Variants in MAST2 observed in about 807,000 individuals in gnomAD.
MAST2 encodes the protein microtubule-associated serine/threonine-protein kinase 2.
MAST2 carries 70 observed loss-of-function variants against 147.4 expected under a neutral mutation model. The ratio of observed to expected loss-of-function variants is 0.47; its 90% CI spans 0.39 to 0.58. MAST2 has a LOEUF of 0.58. Among genes scored for constraint, MAST2 ranks in the 20% least tolerant of loss-of-function variants. The probability of loss-of-function intolerance (pLI) is 0.00; values close to 1 mark genes in which losing one functional copy is unlikely to be tolerated. For missense variants in MAST2, 2,080 were observed against 2,302.3 expected (o/e 0.90, Z 1.98); for synonymous variants, 869 against 896.8 (o/e 0.97, Z 0.55).
chr1:45,895,455 A>G (rs1307571895), intron 4 of MAST2, among the ~76,000 whole-genome samples: 2 of 152,224 alleles, frequency 1.3e-5, no homozygotes, highest in Non-Finnish European at 2.9e-5. Flanking sequence ...GTAAAGAAAA[A>G]TTGAAATTAG....
At chr1:45,987,496 G>A (rs1644674674) in intron 5 of MAST2, among the ~76,000 whole-genome samples, 2 of 152,038 alleles carry the variant, frequency 1.3e-5, no homozygotes, top group Non-Finnish European at 2.9e-5. Context: ...ATTCTTTGTA[G>A]AGATGGGGTC....
intron 4 of MAST2, among the ~76,000 whole-genome samples, chr1:45,896,659 CCT>C (rs1648787560): frequency 6.6e-6 from 1 of 152,106 alleles, no homozygotes; most frequent in East Asian, 1.9e-4. Context: ...GAGGCCTGCC[CCT>C]GAGGCCTAAC....
chr1:45,861,566 C>G (rs1236974878), intron 3 of MAST2, among the ~76,000 whole-genome samples: 1 of 151,926 alleles, frequency 6.6e-6, no homozygotes, highest in Non-Finnish European at 1.5e-5. Context: ...CTGCTTTTTC[C>G]TTTTCATCTG....
chr1:45,953,111 G>T (rs376611033), intron 4 of MAST2, among the ~76,000 whole-genome samples: 1 of 151,994 alleles, frequency 6.6e-6, no homozygotes, highest in Admixed American at 6.6e-5. Context: ...TTGAGGTGCT[G>T]GTTAACTTTA....
chr1:46,000,167 A>G (rs1188411201), intron 6 of MAST2, among the ~76,000 whole-genome samples: 2 of 152,136 alleles, frequency 1.3e-5, no homozygotes, highest in African/African-American at 2.4e-5. Flanking sequence ...TACAAAAATT[A>G]GCCGGGCATG....
chr1:45,837,419 T>G (rs999624401), intron 3 of MAST2, among the ~76,000 whole-genome samples: 1 of 152,244 alleles, frequency 6.6e-6, no homozygotes, highest in African/African-American at 2.4e-5. Flanking sequence ...CCTCCTGAGA[T>G]TCATCCATGT....
chr1:45,847,474 A>G, intron 3 of MAST2: 1 of 642,526 alleles, frequency 1.6e-6, no homozygotes, highest in Non-Finnish European at 2.7e-6. Context: ...TTGAAACACA[A>G]GGCCTTTTCA....
intron 4 of MAST2, among the ~76,000 whole-genome samples, chr1:45,912,589 A>G (rs559130423): frequency 1.7e-4 from 26 of 152,220 alleles, no homozygotes; most frequent in Non-Finnish European, 3.1e-4. Context: ...ACATTACCCT[A>G]GAAAAAACAG....
At chr1:46,007,205 G>A (rs1645521796) in intron 8 of MAST2, among the ~76,000 whole-genome samples, 1 of 152,074 alleles carries the variant, frequency 6.6e-6, no homozygotes, top group Non-Finnish European at 1.5e-5. Context: ...TAATTAATTG[G>A]CTAAGATGTG....
chr1:45,931,388 T>TG (rs1655280184), intron 4 of MAST2, among the ~76,000 whole-genome samples: 1 of 148,048 alleles, frequency 6.8e-6, no homozygotes, highest in African/African-American at 2.5e-5. Flanking sequence ...TTTTTTTTTT[T>TG]TTTTTTTTTT....
intron 4 of MAST2, among the ~76,000 whole-genome samples, chr1:45,934,719 G>A (rs1365116718): frequency 2.0e-5 from 3 of 152,156 alleles, no homozygotes; most frequent in Non-Finnish European, 2.9e-5. Context: ...AACTGTGCCC[G>A]GCCAATTTCA....
intron 3 of MAST2, among the ~76,000 whole-genome samples, chr1:45,848,268 C>G (rs1645507435): frequency 1.3e-5 from 2 of 152,186 alleles, no homozygotes; most frequent in Non-Finnish European, 2.9e-5. Context: ...TATCTGGAAA[C>G]TTGAATGGTA....
Position 46,025,822 on chromosome 1 carries a change from C to T in MAST2, c.1919+7C>T. 1 of 1,614,136 alleles carries T rather than the reference C, an allele frequency of 6.2e-7. No homozygotes were observed. The highest frequency in any genetic ancestry group is 8.5e-7 in the Non-Finnish European group (1 of 1,180,018). ...GTGACCTCAAGCCTGACAAGTATGT[C>T]CACAGTCTGTGTCCCTTGTCCAGGG... On this transcript the variant is annotated splice_region_variant and intron_variant, in intron 16 of 28. Transcript: ENST00000361297.
At chr1:45,844,938 C>A (rs1028543634) in intron 3 of MAST2, among the ~76,000 whole-genome samples, 1 of 152,060 alleles carries the variant, frequency 6.6e-6, no homozygotes, top group Admixed American at 6.6e-5. Context: ...TGTTTCCTCA[C>A]GTGGCAGAAG....
intron 12 of MAST2, 103 bp downstream of exon 12, chr1:46,022,185 C>T: frequency 1.4e-6 from 2 of 1,448,062 alleles, no homozygotes; most frequent in Non-Finnish European, 1.9e-6. Context: ...GACATGGACA[C>T]AACATGGCCC....
intron 7 of MAST2, among the ~76,000 whole-genome samples, chr1:46,005,843 C>T (rs12403530): frequency 0.037 from 5,642 of 152,264 alleles, 132 homozygotes; most frequent in Middle Eastern, 0.099. Flanking sequence ...CAAAAGGAAA[C>T]ATTGCTGAGC....
chr1:46,023,782 C>A lies in MAST2; in HGVS notation c.1582C>A (p.Leu528Met). 6.2e-7 allele frequency: 1 copy of A among 1,613,918 alleles called. No individual in the cohort carries two copies. The highest frequency in any genetic ancestry group is 1.6e-4 in the Middle Eastern group (1 of 6,062). The change falls in exon 15 of 29, where the codon CTG becomes ATG. Residue 528 changes from leucine (L) to methionine (M), a missense_variant. Physicochemically the swap from Leu to Met is conservative, Grantham distance 15 (BLOSUM62 2). Transcript: ENST00000361297. This position sits in a 1 kb window ranked among gnomAD's most constrained non-coding sequence, Gnocchi z 4.9. Reference protein sequence around the residue: ...ISNGAYGAVFLVRHKSTRQRF... With the variant: ...ISNGAYGAVFMVRHKSTRQRF... ...GACTTTGTTTCCCAGGGCTGTATTT[C>A]TGGTGCGGCACAAGTCCACCCGGCA...
intron 3 of MAST2, among the ~76,000 whole-genome samples, chr1:45,837,847 C>T (rs905077766): frequency 4.6e-5 from 7 of 152,130 alleles, no homozygotes; most frequent in African/African-American, 1.4e-4. Context: ...GGCACAATCT[C>T]GGCTCATTGC....
chr1:45,987,174 A>C (rs1253109767), intron 5 of MAST2, among the ~76,000 whole-genome samples: 1 of 152,178 alleles, frequency 6.6e-6, no homozygotes, highest in Non-Finnish European at 1.5e-5. Context: ...TAATTGACAA[A>C]GTTGTTCTGA....
Sources: allele counts gnomAD v4.1 joint callset (sites outside exome capture counted in the v4.1 genomes callset), GRCh38; gene constraint gnomAD v4.1.1; non-coding constraint Gnocchi (gnomAD v3.1); transcripts MANE v1.5; gene names NCBI Gene and HGNC (gene_info 2026-07-23, HGNC 2026-07-21).